CRYBG2: variants seen among roughly 807,000 people sequenced by gnomAD.
The protein encoded by CRYBG2 is beta/gamma crystallin domain-containing protein 2.
Under a neutral mutation model 153.4 loss-of-function variants are expected in CRYBG2, and 106 were observed. The ratio of observed to expected loss-of-function variants is 0.69; its 90% CI spans 0.59 to 0.81. The LOEUF is 0.81. Ranked by LOEUF, CRYBG2 falls within the 30% of genes least tolerant of loss-of-function variation. The pLI, the probability that CRYBG2 is intolerant of heterozygous loss-of-function variation, is 0.00. For synonymous variants in CRYBG2, 851 were observed against 877.8 expected (o/e 0.97, Z 0.54); for missense variants, 1,996 against 2,112.0 (o/e 0.95, Z 1.08).
chr1:26,338,297 G>T, intron 7 of CRYBG2, 54 bp downstream of exon 7: 1 of 1,537,420 alleles, frequency 6.5e-7, no homozygotes, highest in South Asian at 1.3e-5. Context: ...CAGCTACTTG[G>T]GACCAGGGGC....
At chr1:26,338,069 G>A (rs2074084029) in intron 7 of CRYBG2, 22 bp from the exon 8 acceptor site, 2 of 1,611,618 alleles carry the variant, frequency 1.2e-6, no homozygotes, top group South Asian at 2.2e-5. Context: ...ACAGAGCTGA[G>A]ACACCAGCCC....
chr1:26,346,623 T>G lies in CRYBG2; in HGVS notation c.35A>C (p.Lys12Thr), dbSNP rs745774427. Reference protein sequence around the residue: ...EEAGGPMARAKARVVSATLTW... With the variant: ...EEAGGPMARATARVVSATLTW... Reference sequence around the variant, plus strand: ...CAATGTGGCACTTACCACTCGGGCCTTGGCCCGGGCCATGGGCCCACCTGC... The same window carrying G: ...CAATGTGGCACTTACCACTCGGGCCGTGGCCCGGGCCATGGGCCCACCTGC... The change falls in exon 2 of 20, where the codon AAG becomes ACG. Residue 12 changes from lysine (K) to threonine (T), a missense_variant. Physicochemically the swap from Lys to Thr is moderately conservative, Grantham distance 78. Coordinates refer to ENST00000308182, the MANE Select transcript of CRYBG2 (RefSeq NM_001039775.4). The surrounding 1 kb of genome is among the most constrained non-coding windows in gnomAD (Gnocchi z 4.9). 6.4e-6 allele frequency: 10 copies of G among 1,564,820 alleles called. No individual in the cohort carries two copies. Among genetic ancestry groups the G allele is most frequent in the Non-Finnish European group, 7.8e-6 (9 of 1,154,070 alleles).
At chr1:26,329,173 C>CTTTGCT (rs2073968884) in intron 15 of CRYBG2, among the ~76,000 whole-genome samples, 1 of 98,650 alleles carries the variant, frequency 1.0e-5, no homozygotes, top group African/African-American at 4.1e-5. Context: ...TTATTCTAGG[C>CTTTGCT]TTTTTTTTTT....
intron 15 of CRYBG2, among the ~76,000 whole-genome samples, chr1:26,329,243 A>G (rs929586635): frequency 2.2e-5 from 3 of 135,664 alleles, no homozygotes; most frequent in Non-Finnish European, 3.0e-5. Context: ...GTGGCGCGAT[A>G]TTGGCTCACT....
rs752577816 is a variant in CRYBG2 at position 26,339,448 on chromosome 1, A to T, written c.3205-19T>A. ...TGTAGTCCTGTGGAAGGAGGGGGAA[A>T]ATTAAATATAGATAAACAGCCAGGC... On this transcript the variant is annotated intron_variant, in intron 5 of 19. Transcript: ENST00000308182. The T allele has an allele frequency of 6.2e-7, 1 of 1,613,046 alleles. No individual in the cohort carries two copies. Among genetic ancestry groups the T allele is most frequent in the Non-Finnish European group, 8.5e-7 (1 of 1,179,846 alleles).
chr1:26,346,465 C>A lies in CRYBG2; in HGVS notation c.193G>T (p.Val65Phe). Residue 65 changes from valine (V) to phenylalanine (F), a missense_variant, in exon 2 of 20, where the codon GTC (valine) becomes TTC (phenylalanine). Physicochemically the swap from Val to Phe is conservative, Grantham distance 50. Transcript: ENST00000308182. This position sits in a 1 kb window ranked among gnomAD's most constrained non-coding sequence, Gnocchi z 4.9. ...TCTTCCTGTGTTGCAAAGCCATTGA[C>A]TTCCACTTCCTCTCGACGGCTGAAC... Reference protein sequence around the residue: ...FEFSRREEVEVNGFATQEEET... With the variant: ...FEFSRREEVEFNGFATQEEET... 6.2e-7 allele frequency: 1 copy of A among 1,608,082 alleles called. No individual in the cohort carries two copies. The highest frequency in any genetic ancestry group is 8.5e-7 in the Non-Finnish European group (1 of 1,179,796).
In CRYBG2 at chr1:26,331,545, T is replaced by C; in HGVS notation, c.4258A>G (p.Thr1420Ala). Residue 1420 changes from threonine (T) to alanine (A), a missense_variant, in exon 15 of 20, where the codon ACG becomes GCG. Transcript: ENST00000308182. ...ILSEGEFPTL[T>A]AMGCLASTVL... is the part of the protein sequence containing the mutation. ...GTGGAGGCGAGGCAGCCCATGGCCG[T>C]GAGAGTGGGGAACTCGCCCTCAGAG... 1 of 1,614,098 alleles carries C rather than the reference T, an allele frequency of 6.2e-7. No individual in the cohort carries two copies. The highest frequency in any genetic ancestry group is 1.1e-5 in the South Asian group (1 of 91,084).
At chr1:26,337,097 C>T in intron 10 of CRYBG2, 117 bp from the exon 11 acceptor site, 2 of 1,557,498 alleles carry the variant, frequency 1.3e-6, no homozygotes, top group Admixed American at 3.6e-5. Flanking sequence ...TCAGTACGAC[C>T]TGGAGAAGAG....
In CRYBG2 at chr1:26,322,049, C is replaced by G. The variant is rs1167899382; in HGVS notation, c.4905G>C (p.Arg1635=). ...EGQILDVKGG[R]GYDRDHVVLW... ...GCACCACGTGGTCCCGGTCGTAGCC[C>G]CGGCCTCCTGGGGGTGGGATGGGGA... Residue 1635 remains arginine, a synonymous_variant, in exon 20 of 20, where the codon CGG becomes CGC. Transcript: ENST00000308182. The G allele has an allele frequency of 6.2e-7, 1 of 1,606,328 alleles. No homozygotes were observed. Among genetic ancestry groups the G allele is most frequent in the Non-Finnish European group, 8.5e-7 (1 of 1,173,882 alleles).
At chr1:26,326,955 G>C in intron 17 of CRYBG2, 1 of 494,282 alleles carries the variant, frequency 2.0e-6, no homozygotes, top group Non-Finnish European at 4.0e-6. Flanking sequence ...TTCGTGGCAG[G>C]ATCAAGCCTG....
At chr1:26,352,495 G>A (rs1302802778) in intron 1 of CRYBG2, among the ~76,000 whole-genome samples, 1 of 152,126 alleles carries the variant, frequency 6.6e-6, no homozygotes, top group Non-Finnish European at 1.5e-5. Context: ...ACACACGCTT[G>A]GATGCACACG....
At chr1:26,348,151 G>A (rs184170765) in intron 1 of CRYBG2, among the ~76,000 whole-genome samples, 1 of 152,284 alleles carries the variant, frequency 6.6e-6, no homozygotes, top group African/African-American at 2.4e-5. Flanking sequence ...CTGTCACCTT[G>A]GAGATTTGTG....
chr1:26,339,057 T>C (rs2074095900), intron 6 of CRYBG2, among the ~76,000 whole-genome samples: 1 of 152,196 alleles, frequency 6.6e-6, no homozygotes, highest in South Asian at 2.1e-4. Context: ...CAGCATGGTG[T>C]CTCCTCCTCC....
chr1:26,326,975 T>C, intron 17 of CRYBG2: 1 of 504,024 alleles, frequency 2.0e-6, no homozygotes, highest in Non-Finnish European at 3.9e-6. Context: ...GCTTTCCTTA[T>C]GCAGCAGCTA....
At chr1:26,339,834 T>C (rs778919902) in intron 5 of CRYBG2, among the ~76,000 whole-genome samples, 3 of 152,056 alleles carry the variant, frequency 2.0e-5, no homozygotes, top group Non-Finnish European at 4.4e-5. Flanking sequence ...CCAAATAGCT[T>C]CTGAGAAAAC....
At chr1:26,342,679 G>C in intron 5 of CRYBG2, 75 bp downstream of exon 5, 1 of 1,568,520 alleles carries the variant, frequency 6.4e-7, no homozygotes, top group South Asian at 1.2e-5. Context: ...CATTACAGGC[G>C]TGAGTCACTG....
At chr1:26,330,075 T>C (rs12062210) in intron 15 of CRYBG2, among the ~76,000 whole-genome samples, 82,207 of 152,102 alleles carry the variant, frequency 0.54, 23,137 homozygotes, top group African/African-American at 0.66. Context: ...TGCACTTGGC[T>C]TCATTCTAGA....
chr1:26,346,768 G>A lies in CRYBG2; in HGVS notation c.-55-56C>T, dbSNP rs1362695091. 8.1e-7 allele frequency: 1 copy of A among 1,227,744 alleles called. No individual in the cohort carries two copies. Among genetic ancestry groups the A allele is most frequent in the Non-Finnish European group, 1.1e-6 (1 of 903,548 alleles). 76.1% of individuals were successfully genotyped at this position (1,227,744 alleles called of 1,614,324 possible). A position where few individuals can be genotyped will look rare whatever the true frequency, so the allele number is the denominator to read the frequency against. On this transcript the variant is annotated intron_variant, in intron 1 of 19. Coordinates refer to ENST00000308182, the MANE Select transcript of CRYBG2 (RefSeq NM_001039775.4). This position sits in a 1 kb window ranked among gnomAD's most constrained non-coding sequence, Gnocchi z 4.9. ...AGGGTGGTGAGAGTGGCTTCCTAAA[G>A]TGCAGAATAACCACCCCTACCCAAG... is the stretch of plus-strand genomic sequence containing the variant.
intron 14 of CRYBG2, among the ~76,000 whole-genome samples, chr1:26,335,602 G>C (rs1351082885): frequency 6.6e-6 from 1 of 152,230 alleles, no homozygotes; most frequent in Non-Finnish European, 1.5e-5. Flanking sequence ...TTTGAGATCA[G>C]CCTGGCCAAC....
Sources: gnomAD v4.1 joint callset for allele counts (sites outside exome capture counted in the v4.1 genomes callset) on GRCh38, gnomAD v4.1.1 for gene constraint, Gnocchi (gnomAD v3.1) non-coding constraint, MANE v1.5 for transcripts, NCBI Gene and HGNC (gene_info 2026-07-23, HGNC 2026-07-21) for gene names.